CD1B: variants seen among roughly 807,000 people sequenced by gnomAD.
The protein encoded by CD1B is T-cell surface glycoprotein CD1b.
CD1B carries 43 observed loss-of-function variants against 39.8 expected under a neutral mutation model. The ratio of observed to expected loss-of-function variants is 1.08; its 90% confidence interval spans 0.85 to 1.39. The LOEUF (loss-of-function observed/expected upper bound fraction) is 1.39, where lower values mean the gene tolerates loss of function less well. CD1B is among the 40% of genes most tolerant of loss of function. The pLI is 0.00. For synonymous variants in CD1B, 192 were observed against 152.5 expected (o/e 1.26, Z -1.91); for missense variants, 495 against 403.8 (o/e 1.23, Z -1.94).
chr1:158,316,396 G>A, the CD1B span, among the ~76,000 whole-genome samples: 1 of 151,606 alleles, frequency 6.6e-6, no homozygotes, highest in Non-Finnish European at 1.5e-5. Flanking sequence ...TGGATTCCTA[G>A]GTATTTTATT....
At chr1:158,285,526 T>C in the CD1B span, among the ~76,000 whole-genome samples, 1 of 151,942 alleles carries the variant, frequency 6.6e-6, no homozygotes, top group Non-Finnish European at 1.5e-5. Context: ...AAAGGATAAG[T>C]AGAAAGCAAT....
At chr1:158,325,898 A>T (rs1012123449), downstream of CD1B, among the ~76,000 whole-genome samples, 1 of 152,228 alleles carries the variant, frequency 6.6e-6, no homozygotes, top group Non-Finnish European at 1.5e-5. Flanking sequence ...ACCATTAAGC[A>T]TTATATGCCT....
chr1:158,294,082 C>A, the CD1B span, among the ~76,000 whole-genome samples: 1 of 152,272 alleles, frequency 6.6e-6, no homozygotes, highest in Middle Eastern at 3.4e-3. Context: ...CAGCCTTGTG[C>A]CTTGATACAC....
the CD1B span, chr1:158,292,497 C>T: frequency 8.1e-6 from 12 of 1,488,888 alleles, no homozygotes; most frequent in Non-Finnish European, 1.0e-5. Context: ...TTCTTAGAGG[C>T]AGGAAAAAGA....
chr1:158,307,685 A>G, the CD1B span, among the ~76,000 whole-genome samples: 1 of 152,208 alleles, frequency 6.6e-6, no homozygotes, highest in Non-Finnish European at 1.5e-5. Flanking sequence ...GAAATTCTCA[A>G]TAAAATACTG....
rs143548715 is a variant in CD1B, at chr1:158,329,929, C to A, written c.530G>T (p.Arg177Ile). The change falls in exon 3 of 6, where the codon AGA (arginine) becomes ATA (isoleucine). Residue 177 changes from arginine to isoleucine, a missense_variant. Coordinates refer to ENST00000368168, the MANE Select transcript of CD1B (RefSeq NM_001764.3). Reference protein sequence around the residue: ...IQYQGIMETVRILLYETCPRY... With the variant: ...IQYQGIMETVIILLYETCPRY... ...GGGGCAGGTTTCATAGAGGAGAATT[C>A]TCACAGTTTCCATGATACCTTGATA... is the stretch of plus-strand genomic sequence containing the variant. 9.9e-6 allele frequency: 16 copies of A among 1,613,988 alleles called. No homozygotes were observed. The highest frequency in any genetic ancestry group is 1.4e-5 in the Non-Finnish European group (16 of 1,180,014).
chr1:158,308,109 C>T, the CD1B span, among the ~76,000 whole-genome samples: 342 of 152,294 alleles, frequency 2.2e-3, 2 homozygotes, highest in African/African-American at 8.0e-3. Context: ...CCCAAATCTC[C>T]TTAAGCTGAT....
chr1:158,288,666 T>G, the CD1B span, among the ~76,000 whole-genome samples: 3 of 152,224 alleles, frequency 2.0e-5, no homozygotes, highest in Non-Finnish European at 4.4e-5. Flanking sequence ...GTGCTGGGAT[T>G]ACAGGCATGA....
intron 2 of CD1B, 128 bp from the exon 3 acceptor site, chr1:158,330,258 A>G: frequency 1.2e-6 from 1 of 810,638 alleles, no homozygotes; most frequent in South Asian, 1.7e-5. Flanking sequence ...TGAGCTAAAA[A>G]CTAATGATAA....
chr1:158,319,658 C>T, the CD1B span, among the ~76,000 whole-genome samples: 4 of 152,258 alleles, frequency 2.6e-5, no homozygotes, highest in East Asian at 5.8e-4. Flanking sequence ...CTTCTTCTCT[C>T]AGCTCGTCAA....
chr1:158,321,430 A>G, the CD1B span, among the ~76,000 whole-genome samples: 2 of 152,316 alleles, frequency 1.3e-5, no homozygotes, highest in Non-Finnish European at 2.9e-5. Flanking sequence ...TATAGGCAGC[A>G]TATAGTTGAG....
the CD1B span, among the ~76,000 whole-genome samples, chr1:158,303,868 G>T: frequency 1.3e-5 from 2 of 152,128 alleles, no homozygotes; most frequent in Non-Finnish European, 2.9e-5. Context: ...GAGACTCAGT[G>T]CTACTCCTAT....
the CD1B span, chr1:158,290,110 G>C: frequency 1.8e-5 from 29 of 1,613,996 alleles, 1 homozygote; most frequent in South Asian, 3.0e-4. Context: ...TCTCCCAGGT[G>C]GTGACAATGC....
the CD1B span, among the ~76,000 whole-genome samples, chr1:158,306,233 A>T: frequency 3.9e-5 from 6 of 152,312 alleles, no homozygotes; most frequent in East Asian, 1.2e-3. Context: ...GGATGGAGGA[A>T]GACCTAATAA....
chr1:158,322,379 G>A, the CD1B span, among the ~76,000 whole-genome samples: 1 of 151,208 alleles, frequency 6.6e-6, no homozygotes, highest in Non-Finnish European at 1.5e-5. Flanking sequence ...TGGGACTACA[G>A]ACACAAGCCA....
chr1:158,318,376 G>A, the CD1B span, among the ~76,000 whole-genome samples: 2 of 152,168 alleles, frequency 1.3e-5, no homozygotes, highest in African/African-American at 4.8e-5. Flanking sequence ...ATTTAGGATA[G>A]TTAACTCTTC....
At position 158,329,968 on chromosome 1, in the gene CD1B, G is replaced by C; in HGVS notation, c.491C>G (p.Ala164Gly). Residue 164 changes from alanine to glycine, a missense_variant, in exon 3 of 6, where the codon GCA (alanine) becomes GGA (glycine). Transcript: ENST00000368168. ...EGGSRAQKFC[A>G]LIIQYQGIME... The stretch of plus-strand genomic sequence containing the variant: ...GATACCTTGATATTGTATGATTAGT[G>C]CACAGAATTTCTGTGCCCTGCTGCC... 1 of 1,614,030 alleles carries C rather than the reference G, an allele frequency of 6.2e-7. No individual in the cohort carries two copies. The highest frequency in any genetic ancestry group is 8.5e-7 in the Non-Finnish European group (1 of 1,180,004).
the CD1B span, among the ~76,000 whole-genome samples, chr1:158,302,688 G>T: frequency 1.3e-5 from 2 of 152,024 alleles, no homozygotes; most frequent in Non-Finnish European, 2.9e-5. Flanking sequence ...AAACCTAGAA[G>T]AAATGGAAAA....
chr1:158,317,163 G>A, the CD1B span, among the ~76,000 whole-genome samples: 2 of 151,966 alleles, frequency 1.3e-5, no homozygotes, highest in Non-Finnish European at 2.9e-5. Context: ...GTATCAGAAT[G>A]ATGCTGGCCT....
Sources: gnomAD v4.1 joint callset for allele counts (sites outside exome capture counted in the v4.1 genomes callset) on GRCh38, gnomAD v4.1.1 for gene constraint, MANE v1.5 for transcripts, NCBI Gene and HGNC (gene_info 2026-07-23, HGNC 2026-07-21) for gene names.